GNAS: variants seen among roughly 807,000 people sequenced by gnomAD.
GNAS encodes the protein GNAS complex locus.
GNAS carries 8 observed loss-of-function variants against 54.5 expected under a neutral mutation model. The ratio of observed to expected loss-of-function variants is 0.15; its 90% CI spans 0.09 to 0.26. GNAS has a LOEUF of 0.26. GNAS is among the 10% of genes least tolerant of loss of function. The probability of loss-of-function intolerance (pLI) is 1.00; values close to 1 mark genes in which losing one functional copy is unlikely to be tolerated. For synonymous variants in GNAS, 204 were observed against 191.4 expected (o/e 1.07, Z -0.54); for missense variants, 170 against 529.8 (o/e 0.32, Z 6.67).
chr20:58,883,257 A>G (rs1434616865), intron 1 of GNAS, among the ~76,000 whole-genome samples: 13 of 152,232 alleles, frequency 8.5e-5, no homozygotes, highest in Admixed American at 8.5e-4. Context: ...TTTTTTAAGC[A>G]AGTCTGCTTT....
At chr20:58,839,873 T>C, upstream of GNAS, 1 of 597,196 alleles carries the variant, frequency 1.7e-6, no homozygotes, top group Non-Finnish European at 3.0e-6. Context: ...TTTTTTCCCA[T>C]CCCTTCTTCT....
At chr20:58,858,612 T>C (rs1227602126) in intron 1 of GNAS, among the ~76,000 whole-genome samples, 2 of 152,230 alleles carry the variant, frequency 1.3e-5, no homozygotes, top group East Asian at 3.8e-4. Context: ...AGTTTCTTAG[T>C]ATCTGCCACA....
chr20:58,910,187 C>A lies in GNAS; in HGVS notation c.970+106C>A. On this transcript the variant is annotated intron_variant, in intron 11 of 12. Transcript: ENST00000371085. This position sits in a 1 kb window ranked among gnomAD's most constrained non-coding sequence, Gnocchi z 5.8. ...CTCCCACCACCAAACCATAAAGGAT[C>A]TATAAGAGAAGCAAGAAAAACGCAC... 1 of 1,366,504 alleles carries A rather than the reference C, an allele frequency of 7.3e-7. No individual in the cohort carries two copies. Among genetic ancestry groups the A allele is most frequent in the Non-Finnish European group, 1.0e-6 (1 of 954,596 alleles). 84.6% of individuals were successfully genotyped at this position (1,366,504 alleles called of 1,614,324 possible). A position where few individuals can be genotyped will look rare whatever the true frequency, so the allele number is the denominator to read the frequency against.
chr20:58,868,796 C>A (rs1429355139), intron 1 of GNAS, among the ~76,000 whole-genome samples: 2 of 151,886 alleles, frequency 1.3e-5, no homozygotes, highest in African/African-American at 4.8e-5. Context: ...CAGGAACTAC[C>A]TTTTTTTTGG....
chr20:58,864,406 T>G (rs971845225), intron 1 of GNAS, among the ~76,000 whole-genome samples: 7 of 152,182 alleles, frequency 4.6e-5, no homozygotes, highest in Non-Finnish European at 5.9e-5. Flanking sequence ...ATAGCTGCTC[T>G]TTCTGTGGCT....
At chr20:58,892,797 G>C (rs1304488081) in intron 1 of GNAS, among the ~76,000 whole-genome samples, 1 of 152,000 alleles carries the variant, frequency 6.6e-6, no homozygotes, top group Non-Finnish European at 1.5e-5. Context: ...TCATTTTACA[G>C]TGTGACCTTT....
chr20:58,871,655 A>T (rs2087473660), intron 1 of GNAS, among the ~76,000 whole-genome samples: 1 of 150,156 alleles, frequency 6.7e-6, no homozygotes, highest in Admixed American at 6.6e-5. Context: ...AAACCAAAAA[A>T]ATTAAAAGGG....
chr20:58,892,603 T>C (rs1297222454), intron 1 of GNAS: 1 of 150,292 alleles, frequency 6.7e-6, no homozygotes, highest in Non-Finnish European at 1.5e-5. Context: ...CGGTTGCCGC[T>C]GGGCGCGACT....
upstream of GNAS, chr20:58,888,465 T>C (rs1431280138): frequency 6.6e-6 from 1 of 152,192 alleles, no homozygotes; most frequent in Non-Finnish European, 1.5e-5. Flanking sequence ...TGCTATATCC[T>C]AGTGTGCGGC....
In GNAS at chr20:58,854,718, G is replaced by A. The variant is rs1376158074; in HGVS notation, c.43+13832G>A. The A allele has an allele frequency of 6.5e-7, 1 of 1,534,090 alleles. No individual in the cohort carries two copies. Among genetic ancestry groups the A allele is most frequent in the South Asian group, 1.2e-5 (1 of 83,850 alleles). Reference sequence around the variant, plus strand: ...CCCTGCGGCTGCTGAGACCCGGGCAGCCCATGTCGCCCCAGCTGCGCCAGA... The same window carrying A: ...CCCTGCGGCTGCTGAGACCCGGGCAACCCATGTCGCCCCAGCTGCGCCAGA... On this transcript the variant is annotated intron_variant, in intron 1 of 12. Coordinates refer to the GNAS transcript ENST00000306090.
intron 1 of GNAS, among the ~76,000 whole-genome samples, chr20:58,869,783 C>T (rs889781877): frequency 6.6e-6 from 1 of 152,224 alleles, no homozygotes; most frequent in Non-Finnish European, 1.5e-5. Context: ...CACACTGGGG[C>T]ATTCTCACTA....
At chr20:58,899,367 G>A (rs1009518953) in intron 3 of GNAS, 1 of 520,304 alleles carries the variant, frequency 1.9e-6, no homozygotes, top group East Asian at 4.7e-5. Flanking sequence ...CCACTGGTTG[G>A]TCTGATTTTA....
At chr20:58,839,822 G>A (rs2085653430), upstream of GNAS, 1 of 593,262 alleles carries the variant, frequency 1.7e-6, no homozygotes, top group South Asian at 2.1e-5. Context: ...CGGAATCTAA[G>A]ACTCAGCGAG....
Position 58,863,885 on chromosome 20 carries a change from G to A in GNAS, c.43+22999G>A, listed in dbSNP as rs73307923. On this transcript the variant is annotated intron_variant, in intron 1 of 12. Transcript: ENST00000306090. The surrounding 1 kb of genome is among the most constrained non-coding windows in gnomAD (Gnocchi z 4.1). ...CATTCAGGTAAGTTTGAAGCTGTGG[G>A]ATATTTGAGGGGGAAAAAATGAATA... 20,602 of 152,610 alleles carry A rather than the reference G, an allele frequency of 0.13. 1,959 individuals are homozygous for A. The highest frequency in any genetic ancestry group is 0.26 in the African/African-American group (10,836 of 41,474). 9.5% of individuals were successfully genotyped at this position (152,610 alleles called of 1,614,324 possible).
chr20:58,855,877 C>T, intron 1 of GNAS: 1 of 547,770 alleles, frequency 1.8e-6, no homozygotes, highest in Non-Finnish European at 3.2e-6. Flanking sequence ...CCCCAAATTA[C>T]CCGCCGACTG....
chr20:58,891,956 G>A (rs1465840933), intron 1 of GNAS, 91 bp downstream of exon 1: 6 of 829,172 alleles, frequency 7.2e-6, no homozygotes, highest in East Asian at 2.6e-4. Context: ...CCCCGCCCCG[G>A]GCGCGCGCTC....
intron 1 of GNAS, chr20:58,850,863 C>T (rs2086135626): frequency 2.5e-6 from 1 of 398,918 alleles, no homozygotes; most frequent in East Asian, 3.6e-5. Context: ...TCCAACCACC[C>T]CAGCAGCACC....
chr20:58,841,544 C>A lies in GNAS; in HGVS notation c.43+658C>A. ...AGTGCCTCCAGCTGCCGTGCGCCAG[C>A]CTTGGCCGCCACAGCCCGCCTCCCG... On this transcript the variant is annotated intron_variant, in intron 1 of 12. Transcript: ENST00000306090. This position sits in a 1 kb window ranked among gnomAD's most constrained non-coding sequence, Gnocchi z 5.0. 1 of 996,446 alleles carries A rather than the reference C, an allele frequency of 1.0e-6. No homozygotes were observed. Among genetic ancestry groups the A allele is most frequent in the South Asian group, 4.7e-5 (1 of 21,412 alleles). 61.7% of individuals were successfully genotyped at this position (996,446 alleles called of 1,614,324 possible). A position where few individuals can be genotyped will look rare whatever the true frequency, so the allele number is the denominator to read the frequency against.
upstream of GNAS, among the ~76,000 whole-genome samples, chr20:58,887,528 A>G (rs184035087): frequency 1.5e-4 from 23 of 152,344 alleles, no homozygotes; most frequent in African/African-American, 5.3e-4. Context: ...GAGTTCTCCT[A>G]TGAGCACATT....
Sources: allele counts gnomAD v4.1 joint callset (sites outside exome capture counted in the v4.1 genomes callset), GRCh38; gene constraint gnomAD v4.1.1; non-coding constraint Gnocchi (gnomAD v3.1); transcripts MANE v1.5; gene names NCBI Gene and HGNC (gene_info 2026-07-23, HGNC 2026-07-21).